Variants in CANX observed in about 807,000 individuals in gnomAD.
The protein encoded by CANX is epididymis secretory sperm binding protein.
Under a neutral mutation model 75.7 loss-of-function variants are expected in CANX, and 14 were observed. The ratio of observed to expected loss-of-function variants is 0.19; its 90% CI spans 0.12 to 0.29. The LOEUF is 0.29. CANX is among the 10% of genes least tolerant of loss of function. The pLI, the probability that CANX is intolerant of heterozygous loss-of-function variation, is 1.00. For synonymous variants in CANX, 227 were observed against 236.9 expected, an observed-to-expected ratio of 0.96 and a Z score of 0.38; for missense variants, 567 against 713.2, an observed-to-expected ratio of 0.79 and a Z score of 2.34.
chr5:179,721,532 T>C (rs1411655591), intron 10 of CANX, among the ~76,000 whole-genome samples: 2 of 152,214 alleles, frequency 1.3e-5, no homozygotes, highest in African/African-American at 4.8e-5. Flanking sequence ...ATCTGTGATG[T>C]GGTGGGTAGA....
chr5:179,697,791 T>C (rs1237971308), upstream of CANX, among the ~76,000 whole-genome samples: 5 of 152,034 alleles, frequency 3.3e-5, no homozygotes, highest in Admixed American at 3.3e-4. Flanking sequence ...CTCGGGAGGC[T>C]GAGGGAGAAT....
At chr5:179,711,430 AAAC>A (rs1169457920) in intron 7 of CANX, among the ~76,000 whole-genome samples, 1 of 152,000 alleles carries the variant, frequency 6.6e-6, no homozygotes, top group East Asian at 1.9e-4. Context: ...TCAAAAAACA[AAAC>A]AAAAAACCCA....
intron 13 of CANX, among the ~76,000 whole-genome samples, chr5:179,725,300 A>G (rs1398792722): frequency 2.0e-5 from 3 of 151,920 alleles, no homozygotes; most frequent in Non-Finnish European, 4.4e-5. Context: ...TTTGCCTCCC[A>G]GATTCAAGCG....
In CANX at chr5:179,728,544, T is replaced by G. The variant is rs1246999871; in HGVS notation, c.1726-47T>G. 3 of 1,153,378 alleles carry G rather than the reference T, an allele frequency of 2.6e-6. No individual in the cohort carries two copies. The Admixed American group carries it at 5.3e-5, about 20-fold the overall frequency. 71.4% of individuals were successfully genotyped at this position (1,153,378 alleles called of 1,614,324 possible). On this transcript the variant is annotated intron_variant, in intron 14 of 14. Transcript: ENST00000247461. ...TCTTGAAAATATGGTGAACTTTTAT[T>G]ATTTTTTAAATGTGCTAATTATAAT... is the stretch of plus-strand genomic sequence containing the variant.
In CANX at chr5:179,731,310, T is replaced by G. The variant is rs1458665244; in HGVS notation, c.*2666T>G. On this transcript the variant is annotated 3_prime_UTR_variant, in exon 15 of 15. Coordinates refer to ENST00000247461, the MANE Select transcript of CANX (RefSeq NM_001746.4). ...TCAGACTCCATTATTTTACATATAC[T>G]TAAATACTTTAGGGGTATTTTTGAA... 6.6e-6 allele frequency among the ~76,000 whole-genome samples: 1 copy of G among 152,250 alleles called. No homozygotes were observed. The highest frequency in any genetic ancestry group is 1.5e-5 in the Non-Finnish European group (1 of 68,048).
chr5:179,690,772 C>G (rs1423211690), intron 1 of CANX, among the ~76,000 whole-genome samples: 1 of 151,514 alleles, frequency 6.6e-6, no homozygotes, highest in Admixed American at 6.6e-5. Context: ...GCCTGTAATC[C>G]CAGCTACTTG....
At chr5:179,686,102 C>CTTTTTTTT (rs757104413) in intron 1 of CANX, among the ~76,000 whole-genome samples, 7 of 128,622 alleles carry the variant, frequency 5.4e-5, no homozygotes, top group Admixed American at 8.5e-5. Context: ...TTGTTCAAGT[C>CTTTTTTTT]TTTTTTTTTT....
chr5:179,690,838 G>C (rs375928217), intron 1 of CANX, among the ~76,000 whole-genome samples: 1 of 150,638 alleles, frequency 6.6e-6, no homozygotes, highest in African/African-American at 2.4e-5. Context: ...GCAGTGAGCC[G>C]TGATCATGCC....
In CANX at chr5:179,730,727, T is replaced by C. The variant is rs1249843912; in HGVS notation, c.*2083T>C. 2 of 152,278 alleles carry C rather than the reference T, an allele frequency of 1.3e-5. No individual in the cohort carries two copies. The highest frequency in any genetic ancestry group is 6.5e-5 in the Admixed American group (1 of 15,286). 9.4% of individuals were successfully genotyped at this position (152,278 alleles called of 1,614,324 possible). A position where few individuals can be genotyped will look rare whatever the true frequency, so the allele number is the denominator to read the frequency against. Reference sequence around the variant, plus strand: ...CCTGATTAAATGTCTGACACATTAATGAATGACCAGCAGCAGCTTTCAGCT... The same window carrying C: ...CCTGATTAAATGTCTGACACATTAACGAATGACCAGCAGCAGCTTTCAGCT... On this transcript the variant is annotated 3_prime_UTR_variant, in exon 15 of 15. Coordinates refer to ENST00000247461, the MANE Select transcript of CANX (RefSeq NM_001746.4).
Position 179,708,317 on chromosome 5 carries a change from A to T in CANX, c.383A>T (p.His128Leu). The change falls in exon 5 of 15, where the codon CAT becomes CTT. Residue 128 changes from histidine to leucine, a missense_variant. His to Leu is a moderately conservative substitution (Grantham distance 99). This residue lies in a region of CANX where 351 missense variants were observed against 433.8 expected (regional missense o/e 0.81). Transcript: ENST00000247461. ...CTTGTGTTGATGTCTCGGGCCAAGC[A>T]TCATGCCATCTCTGCTAAACTGAAC... Reference protein sequence around the residue: ...KGLVLMSRAKHHAISAKLNKP... With the variant: ...KGLVLMSRAKLHAISAKLNKP... 2.5e-6 allele frequency: 4 copies of T among 1,613,996 alleles called. No homozygotes were observed. Among genetic ancestry groups the T allele is most frequent in the Non-Finnish European group, 3.4e-6 (4 of 1,179,860 alleles).
At chr5:179,692,793 G>C (rs1296050865) in intron 1 of CANX, among the ~76,000 whole-genome samples, 1 of 152,102 alleles carries the variant, frequency 6.6e-6, no homozygotes, top group Non-Finnish European at 1.5e-5. Flanking sequence ...TGGCATTACT[G>C]GCAAGAGCCA....
In CANX at chr5:179,722,872, T is replaced by C; in HGVS notation, c.1251T>C (p.Thr417=). ...AAGATCTGGAACCTTTCAGAATGAC[T>C]CCTTTTAGTGCTATTGGTTTGGAGC... The part of the protein sequence containing the change: ...FFEDLEPFRM[T]PFSAIGLELW... The change falls in exon 11 of 15, where the codon ACT becomes ACC. Residue 417 remains threonine, a synonymous_variant. Coordinates refer to ENST00000247461, the MANE Select transcript of CANX (RefSeq NM_001746.4). 1 of 1,613,872 alleles carries C rather than the reference T, an allele frequency of 6.2e-7. No individual in the cohort carries two copies. The highest frequency in any genetic ancestry group is 8.5e-7 in the Non-Finnish European group (1 of 1,179,784).
chr5:179,717,515 A>G (rs1778037992), intron 8 of CANX, among the ~76,000 whole-genome samples: 1 of 152,090 alleles, frequency 6.6e-6, no homozygotes, highest in South Asian at 2.1e-4. Flanking sequence ...AGTGTTTTCC[A>G]GGTTTATCTG....
intron 1 of CANX, among the ~76,000 whole-genome samples, chr5:179,703,720 A>C (rs555794198): frequency 6.6e-6 from 1 of 152,044 alleles, no homozygotes; most frequent in Admixed American, 6.6e-5. Context: ...TAATAGAGGA[A>C]GTTGAAGATT....
intron 1 of CANX, among the ~76,000 whole-genome samples, chr5:179,682,585 C>T (rs1229563429): frequency 6.6e-6 from 1 of 151,808 alleles, no homozygotes; most frequent in African/African-American, 2.4e-5. Flanking sequence ...TGGTGTATGC[C>T]TGTAATCCTA....
chr5:179,689,391 T>G (rs1466885395), intron 1 of CANX, among the ~76,000 whole-genome samples: 2 of 144,110 alleles, frequency 1.4e-5, no homozygotes, highest in East Asian at 2.0e-4. Context: ...TTTTTTTTTT[T>G]TTTTTTTTTT....
At chr5:179,710,144 C>T (rs1363587571) in intron 7 of CANX, 79 bp downstream of exon 7, 40 of 913,968 alleles carry the variant, frequency 4.4e-5, no homozygotes, top group African/African-American at 8.5e-5. Flanking sequence ...TATATCTGGC[C>T]GGGCACTGTG....
Position 179,679,082 on chromosome 5 carries a change from T to C in CANX, c.-4+305T>C. ...CGAGATGTGATCGGCCCAAAACTGC[T>C]GCAGCGTCTGCCACAGGCGGCTGGC... On this transcript the variant is annotated intron_variant, in intron 1 of 14. Coordinates refer to the CANX transcript ENST00000681674. 1 of 1,535,564 alleles carries C rather than the reference T, an allele frequency of 6.5e-7. No homozygotes were observed. Among genetic ancestry groups the C allele is most frequent in the East Asian group, 2.4e-5 (1 of 40,920 alleles).
chr5:179,725,408 G>A (rs1327030688), intron 13 of CANX, among the ~76,000 whole-genome samples: 3 of 151,476 alleles, frequency 2.0e-5, no homozygotes, highest in South Asian at 2.1e-4. Flanking sequence ...TTGGCCAGGT[G>A]CGGTGGCTCA....
Sources: allele counts gnomAD v4.1 joint callset (sites outside exome capture counted in the v4.1 genomes callset), GRCh38; gene constraint gnomAD v4.1.1; regional missense constraint gnomAD v4.1.1; transcripts MANE v1.5; gene names NCBI Gene and HGNC (gene_info 2026-07-23, HGNC 2026-07-21).